The following MYO5A variants were observed in gnomAD, a reference collection of about 807,000 sequenced individuals.
The protein encoded by MYO5A is unconventional myosin-Va.
A neutral mutation model predicts 249.7 loss-of-function variants in MYO5A; 98 were observed. The observed-to-expected ratio is 0.39, with a 90% confidence interval of 0.33 to 0.46. MYO5A has a LOEUF of 0.46. Among genes scored for constraint, MYO5A ranks in the 20% least tolerant of loss-of-function variants. The pLI, the probability that MYO5A is intolerant of heterozygous loss-of-function variation, is 0.98. For missense variants in MYO5A, 1,696 were observed against 2,308.8 expected (o/e 0.73, Z 5.44); for synonymous variants, 778 against 810.6 (o/e 0.96, Z 0.68).
At chr15:52,517,977 T>G (rs1374619136) in intron 1 of MYO5A, among the ~76,000 whole-genome samples, 4 of 151,968 alleles carry the variant, frequency 2.6e-5, no homozygotes, top group African/African-American at 2.4e-5. Context: ...AGAAAAAAAA[T>G]GCTTATAAAT....
chr15:52,418,730 T>G (rs943698639), intron 4 of MYO5A, among the ~76,000 whole-genome samples: 7 of 132,636 alleles, frequency 5.3e-5, no homozygotes, highest in Admixed American at 9.2e-5. Context: ...AAGAGAGAGA[T>G]AGAGAAAGAG....
At chr15:52,437,480 A>C (rs1343526028) in intron 1 of MYO5A, among the ~76,000 whole-genome samples, 1 of 151,578 alleles carries the variant, frequency 6.6e-6, no homozygotes, top group Non-Finnish European at 1.5e-5. Context: ...CTGTAACCCC[A>C]GCTACTCAGG....
At chr15:52,529,018 C>A, upstream of MYO5A, 1 of 251,452 alleles carries the variant, frequency 4.0e-6, no homozygotes, top group Non-Finnish European at 7.0e-6. Context: ...GGGCTCGCCG[C>A]GAGCAGCCGC....
chr15:52,360,272 C>T (rs1243288690), intron 24 of MYO5A, among the ~76,000 whole-genome samples, 191 bp from the exon 25 acceptor site: 2 of 152,194 alleles, frequency 1.3e-5, no homozygotes, highest in African/African-American at 4.8e-5. Context: ...GGTACACTGG[C>T]ATGACAGGAC....
intron 1 of MYO5A, among the ~76,000 whole-genome samples, chr15:52,442,059 G>A (rs953999395): frequency 2.0e-5 from 3 of 152,176 alleles, no homozygotes; most frequent in African/African-American, 4.8e-5. Context: ...AGGAAAAAGA[G>A]CTAGGCATGT....
Position 52,323,489 on chromosome 15 carries a change from T to C in MYO5A, c.4711-45A>G, listed in dbSNP as rs747576570. 5 of 1,451,648 alleles carry C rather than the reference T, an allele frequency of 3.4e-6. No individual in the cohort carries two copies. The South Asian group carries it at 5.8e-5, about 17-fold the overall frequency. 89.9% of individuals were successfully genotyped at this position (1,451,648 alleles called of 1,614,324 possible). A position where few individuals can be genotyped will look rare whatever the true frequency, so the allele number is the denominator to read the frequency against. On this transcript the variant is annotated intron_variant, in intron 36 of 41. Coordinates refer to ENST00000399233, the MANE Select transcript of MYO5A (RefSeq NM_001382347.1). ...TAAACTTGCCTTTTCCTTAGGGAAA[T>C]AACAACCTAAAAAAAATTGAACAGA...
At chr15:52,448,353 G>C (rs2075939328) in intron 1 of MYO5A, among the ~76,000 whole-genome samples, 1 of 152,302 alleles carries the variant, frequency 6.6e-6, no homozygotes, top group Admixed American at 6.5e-5. Flanking sequence ...TCTTTTGGCT[G>C]ATTTCTCCCA....
intron 39 of MYO5A, among the ~76,000 whole-genome samples, chr15:52,318,786 C>T (rs1347651764): frequency 1.3e-5 from 2 of 152,200 alleles, no homozygotes; most frequent in Admixed American, 6.5e-5. Context: ...TCTCTTCACT[C>T]CCCCAAATAA....
intron 5 of MYO5A, among the ~76,000 whole-genome samples, chr15:52,414,897 A>G (rs555958826): frequency 6.6e-6 from 1 of 152,228 alleles, no homozygotes; most frequent in Non-Finnish European, 1.5e-5. Flanking sequence ...CGGTGCAAAC[A>G]TCTGTTTCTT....
chr15:52,342,533 C>G (rs2039427760), intron 31 of MYO5A, among the ~76,000 whole-genome samples: 1 of 152,168 alleles, frequency 6.6e-6, no homozygotes, highest in South Asian at 2.1e-4. Flanking sequence ...GAGAGAGATT[C>G]ACAAATTTTA....
At chr15:52,417,814 G>T (rs146632782) in intron 4 of MYO5A, among the ~76,000 whole-genome samples, 70 of 152,272 alleles carry the variant, frequency 4.6e-4, no homozygotes, top group African/African-American at 1.5e-3. Flanking sequence ...TGTGCTCTTG[G>T]ACTTTTCAGC....
intron 9 of MYO5A, among the ~76,000 whole-genome samples, chr15:52,401,215 C>T (rs958890159): frequency 2.6e-5 from 4 of 151,924 alleles, no homozygotes; most frequent in South Asian, 2.1e-4. Flanking sequence ...GGATTATAGG[C>T]ATACGCATGA....
chr15:52,393,528 G>A (rs763320553), intron 11 of MYO5A, among the ~76,000 whole-genome samples: 1 of 152,018 alleles, frequency 6.6e-6, no homozygotes, highest in Non-Finnish European at 1.5e-5. Flanking sequence ...TGAGTAGCTG[G>A]GACTACAGGC....
intron 1 of MYO5A, chr15:52,435,617 T>C (rs545449401): frequency 2.2e-6 from 1 of 454,016 alleles, no homozygotes; most frequent in East Asian, 7.0e-5. Flanking sequence ...CAAGCCTTCC[T>C]ATTGGGAAGC....
chr15:52,352,180 G>A (rs1218311752), intron 27 of MYO5A, among the ~76,000 whole-genome samples: 1 of 152,150 alleles, frequency 6.6e-6, no homozygotes, highest in Non-Finnish European at 1.5e-5. Context: ...CCCTCCAATA[G>A]TTCATGTCTT....
intron 12 of MYO5A, 94 bp downstream of exon 12, chr15:52,391,836 T>G: frequency 1.5e-6 from 2 of 1,322,092 alleles, no homozygotes; most frequent in Non-Finnish European, 2.2e-6. Flanking sequence ...CGGCATTCCA[T>G]GATATACTAA....
chr15:52,484,835 C>T (rs1036940324), intron 1 of MYO5A, among the ~76,000 whole-genome samples: 3 of 151,868 alleles, frequency 2.0e-5, no homozygotes, highest in Admixed American at 6.6e-5. Context: ...GGTGAAACCC[C>T]GTCTCTACTG....
chr15:52,419,437 C>G (rs1250595491), intron 4 of MYO5A, among the ~76,000 whole-genome samples: 1 of 152,172 alleles, frequency 6.6e-6, no homozygotes, highest in Non-Finnish European at 1.5e-5. Context: ...TTTTCTACAT[C>G]ATCACTCATC....
chr15:52,424,105 T>C (rs192236121), intron 4 of MYO5A, among the ~76,000 whole-genome samples: 104 of 152,362 alleles, frequency 6.8e-4, no homozygotes, highest in African/African-American at 2.5e-3. Flanking sequence ...TCTGATACTA[T>C]ACAAATCAAC....
Sources: gnomAD v4.1 joint callset for allele counts (sites outside exome capture counted in the v4.1 genomes callset) on GRCh38, gnomAD v4.1.1 for gene constraint, MANE v1.5 for transcripts, NCBI Gene and HGNC (gene_info 2026-07-23, HGNC 2026-07-21) for gene names.